SPINK5: variants seen among roughly 807,000 people sequenced by gnomAD.
SPINK5 encodes the protein serine peptidase inhibitor Kazal type 5.
SPINK5 carries 125 observed loss-of-function variants against 151.8 expected under a neutral mutation model. The ratio of observed to expected loss-of-function variants is 0.82; its 90% CI spans 0.71 to 0.96. The LOEUF (loss-of-function observed/expected upper bound fraction) is 0.96. Ranked by LOEUF, SPINK5 falls within the 40% of genes least tolerant of loss-of-function variation. The probability of loss-of-function intolerance (pLI) is 0.00; values close to 1 mark genes in which losing one functional copy is unlikely to be tolerated. For missense variants in SPINK5, 1,194 were observed against 1,291.9 expected (o/e 0.92, Z 1.16); for synonymous variants, 374 against 395.3 (o/e 0.95, Z 0.64).
chr5:148,110,359 C>T (rs1355717926), intron 18 of SPINK5, among the ~76,000 whole-genome samples: 1 of 152,106 alleles, frequency 6.6e-6, no homozygotes, highest in East Asian at 1.9e-4. Flanking sequence ...ACTTTACCTT[C>T]TATATGCCAT....
intron 32 of SPINK5, among the ~76,000 whole-genome samples, chr5:148,136,435 A>C (rs921375156): frequency 1.3e-5 from 2 of 152,106 alleles, no homozygotes; most frequent in African/African-American, 2.4e-5. Context: ...GAAGATGTGC[A>C]GTTATGTGAA....
At chr5:148,127,205 T>TCAAAGGAC in intron 30 of SPINK5, 126 bp downstream of exon 30, 5 of 747,474 alleles carry the variant, frequency 6.7e-6, no homozygotes, top group Non-Finnish European at 1.1e-5. Context: ...CCTGAAGTCC[T>TCAAAGGAC]TTGAGGACTA....
At chr5:148,068,095 G>T (rs755147908) in intron 2 of SPINK5, among the ~76,000 whole-genome samples, 1 of 152,086 alleles carries the variant, frequency 6.6e-6, no homozygotes, top group African/African-American at 2.4e-5. Context: ...ATTCATCAAG[G>T]TAAGCATAAC....
chr5:148,124,960 C>T, intron 28 of SPINK5, 123 bp downstream of exon 28: 1 of 1,266,920 alleles, frequency 7.9e-7, no homozygotes, highest in Non-Finnish European at 1.0e-6. Flanking sequence ...ATTGATTTTT[C>T]TTGTCTTGTC....
At chr5:148,090,975 GTCTT>G (rs933960834) in intron 7 of SPINK5, 186 bp from the exon 8 acceptor site, 12 of 588,076 alleles carry the variant, frequency 2.0e-5, no homozygotes, top group Admixed American at 5.9e-5. Flanking sequence ...AGCTATTGCC[GTCTT>G]TCTTTCTTTC....
intron 30 of SPINK5, among the ~76,000 whole-genome samples, chr5:148,130,646 T>TAACA (rs939954021): frequency 2.0e-5 from 3 of 152,144 alleles, no homozygotes; most frequent in African/African-American, 7.2e-5. Context: ...GAAAACATAC[T>TAACA]AACAACTAAA....
rs371290967 is a variant in SPINK5 at position 148,094,426 on chromosome 5, C to A, written c.739C>A (p.Arg247Ser). Residue 247 changes from arginine (R) to serine (S), a missense_variant, in exon 9 of 33, where the codon CGT becomes AGT. Physicochemically the swap from Arg to Ser is moderately radical, Grantham distance 110. Coordinates refer to ENST00000256084, the MANE Select transcript of SPINK5 (RefSeq NM_006846.4). ...LFCTRESDPVRGPDGRMHGNK... is the reference protein window; with the variant it reads ...LFCTRESDPVSGPDGRMHGNK... ...TTGTACACGGGAGAGTGATCCAGTC[C>A]GTGGCCCTGACGGCAGGATGCATGG... 6.2e-7 allele frequency: 1 copy of A among 1,612,646 alleles called. No individual in the cohort carries two copies. Among genetic ancestry groups the A allele is most frequent in the African/African-American group, 1.3e-5 (1 of 74,772 alleles).
chr5:148,089,041 G>A (rs1037040249), intron 6 of SPINK5: 3 of 461,274 alleles, frequency 6.5e-6, no homozygotes, highest in Admixed American at 2.3e-5. Context: ...GTGATGGTAG[G>A]GGAAGGGGAA....
intron 11 of SPINK5, 23 bp from the exon 12 acceptor site, chr5:148,099,211 G>A (rs1397269032): frequency 1.3e-6 from 2 of 1,593,894 alleles, no homozygotes; most frequent in Middle Eastern, 1.7e-4. Flanking sequence ...TAATGGATCT[G>A]CTTCTTTTTC....
chr5:148,065,560 CACACA>C, intron 2 of SPINK5, 188 bp downstream of exon 2: 1 of 591,026 alleles, frequency 1.7e-6, no homozygotes, highest in Admixed American at 2.6e-5. Flanking sequence ...CACACACACA[CACACA>C]CACACACTCA....
chr5:148,094,537 T>C lies in SPINK5; in HGVS notation c.794+56T>C, dbSNP rs369787057. 4.0e-4 allele frequency: 642 copies of C among 1,610,354 alleles called. 4 individuals are homozygous for C. In the South Asian group the frequency reaches 5.9e-3, roughly 15 times the overall value. On this transcript the variant is annotated intron_variant, in intron 9 of 32. Transcript: ENST00000256084. Reference sequence around the variant, plus strand: ...TTCAAAGGGTGGGAGTGGAGATTGATTGGATTGATGAGTAAAAATAACTTT... The same window carrying C: ...TTCAAAGGGTGGGAGTGGAGATTGACTGGATTGATGAGTAAAAATAACTTT...
rs1754207655 is a variant in SPINK5, at chr5:148,120,000, T to C, written c.2314-9T>C. The C allele has an allele frequency of 6.2e-7, 1 of 1,613,548 alleles. No homozygotes were observed. Among genetic ancestry groups the C allele is most frequent in the Admixed American group, 1.7e-5 (1 of 59,960 alleles). On this transcript the variant is annotated splice_polypyrimidine_tract_variant and intron_variant, in intron 24 of 32. Coordinates refer to ENST00000256084, the MANE Select transcript of SPINK5 (RefSeq NM_006846.4). ...CAGCACTTCCAATATAATCTTCCCA[T>C]CTTTTCAGGATACATGTGATGAGTT... is the stretch of plus-strand genomic sequence containing the variant.
chr5:148,123,017 G>GA (rs1371515376), intron 26 of SPINK5, among the ~76,000 whole-genome samples: 2 of 151,870 alleles, frequency 1.3e-5, no homozygotes, highest in Admixed American at 1.3e-4. Context: ...CTCATAGGGA[G>GA]ACAGGTTTGG....
At chr5:148,075,096 A>C (rs900061781) in intron 4 of SPINK5, among the ~76,000 whole-genome samples, 1 of 151,464 alleles carries the variant, frequency 6.6e-6, no homozygotes, top group Non-Finnish European at 1.5e-5. Context: ...ATAATTGGTA[A>C]AGGATCCAGA....
chr5:148,072,363 G>A (rs1752762511), intron 4 of SPINK5, 143 bp downstream of exon 4: 8 of 835,016 alleles, frequency 9.6e-6, no homozygotes, highest in Non-Finnish European at 1.6e-5. Context: ...TTAGTCCAGG[G>A]GTGGGCTAAA....
At chr5:148,080,912 T>C (rs1211234685) in intron 4 of SPINK5, among the ~76,000 whole-genome samples, 2 of 151,568 alleles carry the variant, frequency 1.3e-5, no homozygotes, top group African/African-American at 4.8e-5. Context: ...AGGACTTAAA[T>C]CCACAAAACA....
chr5:148,091,021 T>C (rs993410256), intron 7 of SPINK5, 144 bp from the exon 8 acceptor site: 2 of 687,086 alleles, frequency 2.9e-6, no homozygotes, highest in Admixed American at 4.7e-5. Flanking sequence ...GGCTCAGGCA[T>C]TGAAGACGGA....
chr5:148,134,163 G>A (rs1293542329), intron 32 of SPINK5: 1 of 450,528 alleles, frequency 2.2e-6, no homozygotes, highest in African/African-American at 2.0e-5. Context: ...CTTATTTCAG[G>A]ATAGGTTTTG....
chr5:148,086,527 G>A lies in SPINK5; in HGVS notation c.405G>A (p.Glu135=), dbSNP rs770833255. ...TYDNRCALCA[E]NAKTGSQIGV... ...ACAACAGATGTGCACTGTGTGCTGA[G>A]AATGCGTGAGTATTCTCTGAAGTAG... The change falls in exon 5 of 33, where the codon GAG becomes GAA. Residue 135 remains glutamate (E), a synonymous_variant. Transcript: ENST00000256084. 6.2e-7 allele frequency: 1 copy of A among 1,611,020 alleles called. No homozygotes were observed. The highest frequency in any genetic ancestry group is 8.5e-7 in the Non-Finnish European group (1 of 1,178,362).
Sources: gnomAD v4.1 joint callset for allele counts (sites outside exome capture counted in the v4.1 genomes callset) on GRCh38, gnomAD v4.1.1 for gene constraint, MANE v1.5 for transcripts, NCBI Gene and HGNC (gene_info 2026-07-23, HGNC 2026-07-21) for gene names.